The following SRCAP variants were observed in gnomAD, a reference collection of about 807,000 sequenced individuals.
SRCAP encodes the protein chromatin remodeling protein SRCAP.
In SRCAP, 46 loss-of-function variants were observed where a neutral mutation model predicts 263.1. The observed-to-expected ratio is 0.17, with a 90% CI of 0.14 to 0.22. The LOEUF (loss-of-function observed/expected upper bound fraction) is 0.22, where lower values mean the gene tolerates loss of function less well. Among genes scored for constraint, SRCAP ranks in the 10% least tolerant of loss-of-function variants. The probability of loss-of-function intolerance (pLI) is 1.00; values close to 1 mark genes in which losing one functional copy is unlikely to be tolerated. For missense variants in SRCAP, 3,695 were observed against 4,181.9 expected, an observed-to-expected ratio of 0.88 and a Z score of 3.21; for synonymous variants, 1,813 against 1,662.1, an observed-to-expected ratio of 1.09 and a Z score of -2.21.
chr16:30,702,155 T>C (rs1479051699), intron 3 of SRCAP, among the ~76,000 whole-genome samples: 1 of 151,302 alleles, frequency 6.6e-6, no homozygotes, highest in African/African-American at 2.4e-5. Flanking sequence ...GGTTTCACCA[T>C]GTTTGCCAGG....
rs2052737468 is a variant in SRCAP, at chr16:30,699,175, G to T, written c.-351G>T. ...AGAGGTCAGGGGTCACGCGAGGTCA[G>T]TCCGTCGGGAGGGCTAGGGAGATGG... is the stretch of plus-strand genomic sequence containing the variant. On this transcript the variant is annotated 5_prime_UTR_variant, in exon 1 of 34. Coordinates refer to ENST00000262518, the MANE Select transcript of SRCAP (RefSeq NM_006662.3). 1 of 398,782 alleles carries T rather than the reference G, an allele frequency of 2.5e-6. No homozygotes were observed. The highest frequency in any genetic ancestry group is 4.4e-6 in the Non-Finnish European group (1 of 226,172). The allele number at this position is 398,782 out of a possible 1,614,324, so 24.7% of individuals were successfully genotyped here.
chr16:30,710,559 C>A (rs1337597725), intron 8 of SRCAP, 195 bp from the exon 9 acceptor site: 1 of 777,968 alleles, frequency 1.3e-6, no homozygotes, highest in East Asian at 2.4e-5. Context: ...CAGTTCCTTC[C>A]CCAGGCAGTG....
chr16:30,705,489 C>T (rs1484681808), intron 4 of SRCAP, among the ~76,000 whole-genome samples: 3 of 152,042 alleles, frequency 2.0e-5, no homozygotes, highest in Non-Finnish European at 4.4e-5. Context: ...AGCTCCGCCT[C>T]CCGGGTTCAC....
Position 30,713,136 on chromosome 16 carries a change from GTTTAGCATGTCT to G in SRCAP, c.2131-70_2131-59del, listed in dbSNP as rs753547552. 3.1e-3 allele frequency: 4,693 copies of G among 1,501,164 alleles called. 11 individuals are homozygous for G. The highest frequency in any genetic ancestry group is 4.0e-3 in the Non-Finnish European group (4,323 of 1,087,676). 93.0% of individuals were successfully genotyped at this position (1,501,164 alleles called of 1,614,324 possible). On this transcript the variant is annotated intron_variant, in intron 14 of 33. Coordinates refer to ENST00000262518, the MANE Select transcript of SRCAP (RefSeq NM_006662.3). ...CAACCTGATTACTGTCCTTTGAGGA[GTTTAGCATGTCT>G]TCCCTTTGCTCTCTTCTTTTCATCC...
chr16:30,729,200 C>T lies in SRCAP; in HGVS notation c.5893C>T (p.Arg1965Ter). ...CCGGGCTGTACTGTTTCCCCAGCAG[C>T]GACTAGACCAGCTGTCAGAAATCAT... is the stretch of plus-strand genomic sequence containing the variant. ...AHRAVLFPQQRLDQLSEIIER... is the reference protein window; with the variant it reads ...AHRAVLFPQQ The change falls in exon 26 of 34, where the codon CGA becomes TGA. Residue 1965 changes from arginine to a stop codon, truncating the protein, a stop_gained. Coordinates refer to ENST00000262518, the MANE Select transcript of SRCAP (RefSeq NM_006662.3). LOFTEE classifies it high-confidence loss of function. The T allele has an allele frequency of 6.2e-7, 1 of 1,610,728 alleles. No individual in the cohort carries two copies. Among genetic ancestry groups the T allele is most frequent in the Non-Finnish European group, 8.5e-7 (1 of 1,177,528 alleles).
rs774107239 is a variant in SRCAP, at chr16:30,736,381, C to T, written c.6911C>T (p.Ala2304Val). 2 of 1,612,358 alleles carry T rather than the reference C, an allele frequency of 1.2e-6. No homozygotes were observed. The highest frequency in any genetic ancestry group is 1.7e-6 in the Non-Finnish European group (2 of 1,178,954). The change falls in exon 32 of 34, where the codon GCC becomes GTC. Residue 2304 changes from alanine (A) to valine (V), a missense_variant. Ala to Val is a moderately conservative substitution (Grantham distance 64, BLOSUM62 0). Transcript: ENST00000262518. ...EMSRAEQEIAALVEQLTPIER... is the reference protein window; with the variant it reads ...EMSRAEQEIAVLVEQLTPIER... ...TCCCGGGCTGAGCAGGAAATTGCTG[C>T]CCTCGTAGAACAGGTCAGTGCTGGA...
chr16:30,725,192 T>C (rs2053052403), intron 25 of SRCAP, 110 bp downstream of exon 25: 1 of 1,488,886 alleles, frequency 6.7e-7, no homozygotes, highest in Non-Finnish European at 8.9e-7. Context: ...CAAAGCTTAA[T>C]GTTATGGACC....
Position 30,738,913 on chromosome 16 carries a change from G to C in SRCAP, c.8873G>C (p.Gly2958Ala). The change falls in exon 34 of 34, where the codon GGG becomes GCG. Residue 2958 changes from glycine to alanine, a missense_variant. Around this residue, in one of 12 missense-constraint regions of SRCAP, gnomAD observed 1,207 missense variants for 1,142.9 expected, o/e 1.06. Coordinates refer to ENST00000262518, the MANE Select transcript of SRCAP (RefSeq NM_006662.3). ...ATCCCTGGGACCATTTCCTCTGCAG[G>C]GGATGGCAACTCCGAAAGTCGGACA... ...LPIPGTISSA[G>A]DGNSESRTQP... 1 of 1,614,078 alleles carries C rather than the reference G, an allele frequency of 6.2e-7. No individual in the cohort carries two copies. The highest frequency in any genetic ancestry group is 8.5e-7 in the Non-Finnish European group (1 of 1,180,024).
At chr16:30,706,738 A>G (rs536191503) in intron 4 of SRCAP, among the ~76,000 whole-genome samples, 1 of 152,346 alleles carries the variant, frequency 6.6e-6, no homozygotes, top group South Asian at 2.1e-4. Flanking sequence ...CTGAGTAAGT[A>G]GAATTCTACA....
chr16:30,710,860 C>G lies in SRCAP; in HGVS notation c.1228+13C>G, dbSNP rs764895813. 6.2e-7 allele frequency: 1 copy of G among 1,613,724 alleles called. No homozygotes were observed. Among genetic ancestry groups the G allele is most frequent in the Non-Finnish European group, 8.5e-7 (1 of 1,179,688 alleles). On this transcript the variant is annotated intron_variant, in intron 9 of 33. Transcript: ENST00000262518. The stretch of plus-strand genomic sequence containing the variant: ...AACGAAGAGGAAGGTCAGGGCTGTT[C>G]GGTTTGTCCTATTGCCCCTTACCCC...
In SRCAP at chr16:30,723,005, T is replaced by C. The variant is rs1366072563; in HGVS notation, c.3935T>C (p.Val1312Ala). 6.2e-7 allele frequency: 1 copy of C among 1,613,828 alleles called. No individual in the cohort carries two copies. The change falls in exon 24 of 34, where the codon GTA (valine) becomes GCA (alanine). Residue 1312 changes from valine to alanine, a missense_variant. Coordinates refer to ENST00000262518, the MANE Select transcript of SRCAP (RefSeq NM_006662.3). ...AATAATACAGGCGTGGTGAAGATTG[T>C]AGTGAGACAAGCCCCTCGGGATGGA... The part of the protein sequence containing the change: ...MVNNTGVVKI[V>A]VRQAPRDGLT...
Position 30,736,591 on chromosome 16 carries a change from G to A in SRCAP, c.6975G>A (p.Glu2325=). The change falls in exon 33 of 34, where the codon GAG becomes GAA. Residue 2325 remains glutamate (E), a synonymous_variant. Coordinates refer to ENST00000262518, the MANE Select transcript of SRCAP (RefSeq NM_006662.3). The stretch of plus-strand genomic sequence containing the variant: ...TGAAATTCCTGGAGGCCTCACTGGA[G>A]GAGGTGAGCCGAGAGGAGCTCAAAC... ...YAMKFLEASL[E]EVSREELKQA... is the part of the protein sequence containing the mutation. 1 of 1,614,258 alleles carries A rather than the reference G, an allele frequency of 6.2e-7. No homozygotes were observed. The highest frequency in any genetic ancestry group is 1.1e-5 in the South Asian group (1 of 91,088).
chr16:30,724,051 C>T lies in SRCAP; in HGVS notation c.4627C>T (p.Pro1543Ser), dbSNP rs763607620. 8 of 1,613,828 alleles carry T rather than the reference C, an allele frequency of 5.0e-6. No individual in the cohort carries two copies. Among genetic ancestry groups the T allele is most frequent in the African/African-American group, 1.3e-5 (1 of 75,030 alleles). ...HVPGLNSTVAPACSPVLVPAS... is the reference protein window; with the variant it reads ...HVPGLNSTVASACSPVLVPAS... ...TCCAGGGTTGAACTCAACCGTGGCC[C>T]CAGCATGCTCACCTGTCCTGGTGCC... is the stretch of plus-strand genomic sequence containing the variant. Residue 1543 changes from proline (P) to serine (S), a missense_variant, in exon 25 of 34, where the codon CCA becomes TCA. This residue lies in a region of SRCAP where 1,347 missense variants were observed against 1,304.4 expected (regional missense o/e 1.03). Transcript: ENST00000262518.
intron 3 of SRCAP, 22 bp downstream of exon 3, chr16:30,700,900 C>T: frequency 1.9e-6 from 3 of 1,612,504 alleles, no homozygotes; most frequent in Non-Finnish European, 2.5e-6. Flanking sequence ...GGAAGAGTTC[C>T]TTCTCTGCTT....
intron 3 of SRCAP, among the ~76,000 whole-genome samples, chr16:30,703,459 G>C (rs2052791384): frequency 6.6e-6 from 1 of 150,910 alleles, no homozygotes; most frequent in African/African-American, 2.4e-5. Context: ...CTCCCAAAGT[G>C]CTGGGATCAC....
At chr16:30,728,305 T>C (rs962993828) in intron 25 of SRCAP, among the ~76,000 whole-genome samples, 3 of 152,218 alleles carry the variant, frequency 2.0e-5, no homozygotes, top group African/African-American at 7.2e-5. Context: ...GGATAGATAT[T>C]AGTTAAATAA....
intron 30 of SRCAP, 162 bp from the exon 31 acceptor site, chr16:30,734,334 C>A: frequency 1.9e-6 from 2 of 1,063,548 alleles, no homozygotes; most frequent in African/African-American, 1.6e-5. Context: ...CGAGCAAAAC[C>A]GTCTCAAAAA....
At position 30,723,037 on chromosome 16, in the gene SRCAP, C is replaced by A; in HGVS notation, c.3967C>A (p.Pro1323Thr). 1.9e-6 allele frequency: 3 copies of A among 1,614,090 alleles called. No individual in the cohort carries two copies. In the South Asian group the frequency reaches 3.3e-5, roughly 18 times the overall value. Residue 1323 changes from proline (P) to threonine (T), a missense_variant, in exon 24 of 34, where the codon CCT (proline) becomes ACT (threonine). Physicochemically the swap from Pro to Thr is conservative, Grantham distance 38. Transcript: ENST00000262518. ...ACAAGCCCCTCGGGATGGACTGACT[C>A]CTGTTCCTCCATTGGCCCCAGCACC... Reference protein sequence around the residue: ...VRQAPRDGLTPVPPLAPAPRP... With the variant: ...VRQAPRDGLTTVPPLAPAPRP...
At chr16:30,732,179 C>T (rs1490781010) in intron 27 of SRCAP, among the ~76,000 whole-genome samples, 9 of 148,174 alleles carry the variant, frequency 6.1e-5, no homozygotes, top group Admixed American at 2.7e-4. Flanking sequence ...AGGCTGGGCA[C>T]GGTGGCTCAC....
Sources: gnomAD v4.1 joint callset for allele counts (sites outside exome capture counted in the v4.1 genomes callset) on GRCh38, gnomAD v4.1.1 for gene constraint, gnomAD v4.1.1 regional missense constraint, MANE v1.5 for transcripts, NCBI Gene and HGNC (gene_info 2026-07-23, HGNC 2026-07-21) for gene names.